LARP4B: variants seen among roughly 807,000 people sequenced by gnomAD.
The protein encoded by LARP4B is la-related protein 4B.
In LARP4B, 12 loss-of-function variants were observed where a neutral mutation model predicts 89.8. The ratio of observed to expected loss-of-function variants is 0.13; its 90% confidence interval spans 0.09 to 0.22. The LOEUF (loss-of-function observed/expected upper bound fraction) is 0.22, where lower values mean the gene tolerates loss of function less well. LARP4B is among the 10% of genes least tolerant of loss of function. LARP4B has a pLI of 1.00. For synonymous variants in LARP4B, 367 were observed against 363.3 expected, an observed-to-expected ratio of 1.01 and a Z score of -0.12; for missense variants, 757 against 947.7, an observed-to-expected ratio of 0.80 and a Z score of 2.64.
chr10:955,669 T>A, the LARP4B span, among the ~76,000 whole-genome samples: 226 of 152,298 alleles, frequency 1.5e-3, no homozygotes, highest in Non-Finnish European at 2.7e-3. The surrounding 1 kb of genome is among the most constrained non-coding windows in gnomAD (Gnocchi z 5.2). Context: ...AAAGAGCTTT[T>A]CCGGGCTGCC....
At chr10:914,932 T>G (rs1007918816) in intron 1 of LARP4B, among the ~76,000 whole-genome samples, 1 of 151,578 alleles carries the variant, frequency 6.6e-6, no homozygotes, top group African/African-American at 2.4e-5. Context: ...TTGTGTGTAA[T>G]CAAGCTTGCT....
rs142792528 is a variant in LARP4B at position 864,142 on chromosome 10, G to C, written c.270C>G (p.His90Gln). 6.2e-7 allele frequency: 1 copy of C among 1,614,206 alleles called. No individual in the cohort carries two copies. Among genetic ancestry groups the C allele is most frequent in the Non-Finnish European group, 8.5e-7 (1 of 1,180,024 alleles). The change falls in exon 4 of 18, where the codon CAC (histidine) becomes CAG (glutamine). Residue 90 changes from histidine to glutamine, a missense_variant. Physicochemically the swap from His to Gln is conservative, Grantham distance 24. Transcript: ENST00000316157. ...SAAWEEVAGHHADRGPQGSDA... is the reference protein window; with the variant it reads ...SAAWEEVAGHQADRGPQGSDA... ...ACTTACCCTGCGGGCCACGGTCTGC[G>C]TGGTGGCCAGCCACCTCCTCCCATG...
In LARP4B at chr10:884,503, T is replaced by A; in HGVS notation, c.85A>T (p.Asn29Tyr). ...GAAGTGGTTTGAGATATAGGACCAT[T>A]CATCTGTAAAATTGAAAACAAAGAC... ...QEGKDSAHLM[N>Y]GPISQTTSQT... The change falls in exon 3 of 18, where the codon AAT becomes TAT. Residue 29 changes from asparagine (N) to tyrosine (Y), a missense_variant. Coordinates refer to ENST00000316157, the MANE Select transcript of LARP4B (RefSeq NM_015155.3). The A allele has an allele frequency of 1.9e-6, 3 of 1,597,000 alleles. No individual in the cohort carries two copies. Among genetic ancestry groups the A allele is most frequent in the Non-Finnish European group, 2.6e-6 (3 of 1,164,768 alleles).
intron 6 of LARP4B, 91 bp downstream of exon 6, chr10:844,886 C>A: frequency 1.1e-6 from 1 of 895,930 alleles, no homozygotes; most frequent in Non-Finnish European, 1.7e-6. Flanking sequence ...TGAGTAGATA[C>A]TCCTTCATAA....
chr10:909,678 G>T (rs1041629165), intron 1 of LARP4B, among the ~76,000 whole-genome samples: 1 of 151,874 alleles, frequency 6.6e-6, no homozygotes, highest in East Asian at 1.9e-4. Flanking sequence ...CCAGCTACTC[G>T]GGAGGCTGAG....
the LARP4B span, among the ~76,000 whole-genome samples, chr10:983,722 T>C: frequency 3.9e-5 from 6 of 152,126 alleles, no homozygotes; most frequent in Admixed American, 6.5e-5. Context: ...ACCTTAACAC[T>C]GGGAGACAGG....
At chr10:956,580 C>T in the LARP4B span, among the ~76,000 whole-genome samples, 2 of 152,104 alleles carry the variant, frequency 1.3e-5, no homozygotes, top group East Asian at 3.9e-4. The surrounding 1 kb of genome is among the most constrained non-coding windows in gnomAD (Gnocchi z 4.3). Flanking sequence ...CTCCTGACCT[C>T]GTGATCCGCC....
chr10:852,903 A>G (rs1834126957), intron 5 of LARP4B, among the ~76,000 whole-genome samples: 1 of 152,252 alleles, frequency 6.6e-6, no homozygotes, highest in African/African-American at 2.4e-5. Context: ...TATAAACTGG[A>G]TAAAAGATGT....
At chr10:968,747 C>A in the LARP4B span, among the ~76,000 whole-genome samples, 1 of 152,240 alleles carries the variant, frequency 6.6e-6, no homozygotes, top group Non-Finnish European at 1.5e-5. Context: ...GGAGGAAATG[C>A]CATCTTCTTC....
At chr10:852,316 G>T (rs997137605) in intron 5 of LARP4B, among the ~76,000 whole-genome samples, 5 of 152,128 alleles carry the variant, frequency 3.3e-5, no homozygotes, top group African/African-American at 1.2e-4. Context: ...GATCTACAGA[G>T]GTTTAGACCA....
chr10:919,691 G>A (rs1051978423), intron 1 of LARP4B, among the ~76,000 whole-genome samples: 28 of 152,202 alleles, frequency 1.8e-4, no homozygotes, highest in African/African-American at 6.8e-4. Flanking sequence ...TATCTCTAGT[G>A]TGAGTTCCTC....
chr10:877,066 C>T (rs1010742541), intron 3 of LARP4B, among the ~76,000 whole-genome samples: 2 of 152,316 alleles, frequency 1.3e-5, no homozygotes, highest in East Asian at 3.9e-4. Flanking sequence ...CGAGGCGGCT[C>T]TGGGCAGCAA....
At chr10:807,941 G>A (rs1191768544), downstream of LARP4B, 6 of 152,366 alleles carry the variant, frequency 3.9e-5, no homozygotes, top group East Asian at 1.2e-3. Flanking sequence ...TTGTGCCCAA[G>A]CAGGCCCAGC....
At chr10:975,766 G>A in the LARP4B span, among the ~76,000 whole-genome samples, 1 of 151,944 alleles carries the variant, frequency 6.6e-6, no homozygotes, top group African/African-American at 2.4e-5. Flanking sequence ...ACCCAGCCTA[G>A]TAGAACGTAA....
chr10:845,011 C>T lies in LARP4B; in HGVS notation c.475G>A (p.Val159Ile), dbSNP rs1833703916. ...CAGAATTCCAATGTTTTTTTAAGTA[C>T]TTCTCGGGGGTCTTCCTGGCTGTCT... Reference protein sequence around the residue: ...QPDSQEDPREVLKKTLEFCLS... With the variant: ...QPDSQEDPREILKKTLEFCLS... Residue 159 changes from valine (V) to isoleucine (I), a missense_variant, in exon 6 of 18, where the codon GTA becomes ATA. This residue lies in a region of LARP4B where 54 missense variants were observed against 96.0 expected (regional missense o/e 0.56). Transcript: ENST00000316157. 6.2e-7 allele frequency: 1 copy of T among 1,611,636 alleles called. No individual in the cohort carries two copies. Among genetic ancestry groups the T allele is most frequent in the Non-Finnish European group, 8.5e-7 (1 of 1,179,636 alleles).
intron 3 of LARP4B, among the ~76,000 whole-genome samples, chr10:866,838 G>C (rs1834918145): frequency 6.6e-6 from 1 of 152,100 alleles, no homozygotes; most frequent in African/African-American, 2.4e-5. Flanking sequence ...TATTAATACA[G>C]ACCAACAGCA....
the LARP4B span, among the ~76,000 whole-genome samples, chr10:967,767 C>A: frequency 6.6e-6 from 1 of 152,220 alleles, no homozygotes; most frequent in Admixed American, 6.5e-5. Context: ...CAGCCATGAT[C>A]TCGGCTCACT....
At chr10:835,282 C>T (rs1833146307) in intron 8 of LARP4B, among the ~76,000 whole-genome samples, 1 of 152,140 alleles carries the variant, frequency 6.6e-6, no homozygotes, top group South Asian at 2.1e-4. Flanking sequence ...CCCTTTCTCA[C>T]ATGCTAGGGT....
chr10:852,465 A>G (rs1834103970), intron 5 of LARP4B, among the ~76,000 whole-genome samples: 1 of 152,260 alleles, frequency 6.6e-6, no homozygotes, highest in African/African-American at 2.4e-5. Context: ...AAACCAGGAA[A>G]AGAAGAGTGC....
Sources: allele counts gnomAD v4.1 joint callset (sites outside exome capture counted in the v4.1 genomes callset), GRCh38; gene constraint gnomAD v4.1.1; regional missense constraint gnomAD v4.1.1; non-coding constraint Gnocchi (gnomAD v3.1); transcripts MANE v1.5; gene names NCBI Gene and HGNC (gene_info 2026-07-23, HGNC 2026-07-21).